Variants in GALNT5 observed in about 807,000 individuals in gnomAD.
The protein encoded by GALNT5 is UDP-GalNAc:polypeptide N-acetylgalactosaminyltransferase 5.
A neutral mutation model predicts 85.4 loss-of-function variants in GALNT5; 72 were observed. The ratio of observed to expected loss-of-function variants is 0.84; its 90% CI spans 0.70 to 1.03. GALNT5 has a LOEUF of 1.03. Ranked by LOEUF, GALNT5 falls within the 50% of genes least tolerant of loss-of-function variation. The probability of loss-of-function intolerance (pLI) is 0.00; values close to 1 mark genes in which losing one functional copy is unlikely to be tolerated. For synonymous variants in GALNT5, 404 were observed against 397.0 expected (o/e 1.02, Z -0.21); for missense variants, 1,137 against 1,135.5 (o/e 1.00, Z -0.02).
chr2:157,273,792 G>A (rs761315508), intron 1 of GALNT5, among the ~76,000 whole-genome samples: 1 of 151,202 alleles, frequency 6.6e-6, no homozygotes, highest in African/African-American at 2.4e-5. Context: ...ACAAGTACCC[G>A]CCACCATGCC....
intron 1 of GALNT5, among the ~76,000 whole-genome samples, chr2:157,265,923 G>A (rs1682449469): frequency 6.6e-6 from 1 of 152,212 alleles, no homozygotes; most frequent in Non-Finnish European, 1.5e-5. Context: ...TGTGTGAGAA[G>A]CAGCAATATG....
chr2:157,257,995 G>C lies in GALNT5; in HGVS notation c.-88G>C. 1 of 1,438,890 alleles carries C rather than the reference G, an allele frequency of 6.9e-7. No homozygotes were observed. Among genetic ancestry groups the C allele is most frequent in the Non-Finnish European group, 9.7e-7 (1 of 1,036,196 alleles). The allele number at this position is 1,438,890 out of a possible 1,614,324, so 89.1% of individuals were successfully genotyped here. On this transcript the variant is annotated 5_prime_UTR_variant, in exon 1 of 10. Transcript: ENST00000259056. The stretch of plus-strand genomic sequence containing the variant: ...GTCACTTTCTGGCAACTCTGCTGCT[G>C]CTGCTGCTGCTGCTGCTACTTCAGC...
chr2:157,317,926 A>G lies in GALNT5; in HGVS notation c.*6578A>G, dbSNP rs942567474. 6.6e-6 allele frequency among the ~76,000 whole-genome samples: 1 copy of G among 152,164 alleles called. No homozygotes were observed. Among genetic ancestry groups the G allele is most frequent in the Non-Finnish European group, 1.5e-5 (1 of 68,002 alleles). The stretch of plus-strand genomic sequence containing the variant: ...GTCTTTAAACAATACTGAGTTTTGA[A>G]GTTAAGTAGAATATTGTAGGGGTTA... On this transcript the variant is annotated 3_prime_UTR_variant, in exon 10 of 10. Transcript: ENST00000259056.
chr2:157,280,148 T>C (rs1216413261), intron 1 of GALNT5, among the ~76,000 whole-genome samples: 2 of 152,200 alleles, frequency 1.3e-5, no homozygotes, highest in Non-Finnish European at 2.9e-5. Flanking sequence ...AAAGACATGG[T>C]TCTCCAAAAA....
Position 157,317,195 on chromosome 2 carries a change from T to C in GALNT5, c.*5847T>C, listed in dbSNP as rs1462923047. 7.3e-6 allele frequency among the ~76,000 whole-genome samples: 1 copy of C among 136,222 alleles called. No individual in the cohort carries two copies. Among genetic ancestry groups the C allele is most frequent in the African/African-American group, 3.0e-5 (1 of 33,484 alleles). 89.4% of individuals were successfully genotyped at this position (136,222 alleles called of 152,430 possible). ...GTGTGTATATATATATATATATATA[T>C]ATATTTTTTTTTTTGATGCTTTGAT... On this transcript the variant is annotated 3_prime_UTR_variant, in exon 10 of 10. Transcript: ENST00000259056.
intron 3 of GALNT5, among the ~76,000 whole-genome samples, chr2:157,291,158 AAC>A (rs1683089010): frequency 6.6e-6 from 1 of 152,218 alleles, no homozygotes; most frequent in Non-Finnish European, 1.5e-5. Flanking sequence ...CCTAGTATGG[AAC>A]AGACCAAGTG....
rs1683758935 is a variant in GALNT5 at position 157,318,116 on chromosome 2, T to C, written c.*6768T>C. Among the ~76,000 whole-genome samples, 1 of 152,030 alleles carries C rather than the reference T, an allele frequency of 6.6e-6. No homozygotes were observed. The highest frequency in any genetic ancestry group is 1.5e-5 in the Non-Finnish European group (1 of 67,976). On this transcript the variant is annotated 3_prime_UTR_variant, in exon 10 of 10. Coordinates refer to ENST00000259056, the MANE Select transcript of GALNT5 (RefSeq NM_014568.3). ...CTCATACTGTCAAACATATTTCTTCTTTATTATACTCTGGTGCTTTATCCT... is the reference window on the plus strand; with the variant it reads ...CTCATACTGTCAAACATATTTCTTCCTTATTATACTCTGGTGCTTTATCCT...
At chr2:157,299,918 T>G (rs1227754523) in intron 6 of GALNT5, among the ~76,000 whole-genome samples, 2 of 152,220 alleles carry the variant, frequency 1.3e-5, no homozygotes. Context: ...GAAATGACTT[T>G]CTGCCACTCA....
intron 5 of GALNT5, among the ~76,000 whole-genome samples, chr2:157,297,026 A>G (rs1271831565): frequency 6.6e-6 from 1 of 152,220 alleles, no homozygotes; most frequent in African/African-American, 2.4e-5. Flanking sequence ...TATTTCCAAG[A>G]AACTGCATTG....
intron 3 of GALNT5, among the ~76,000 whole-genome samples, chr2:157,291,369 G>A (rs1314219670): frequency 2.0e-5 from 3 of 152,168 alleles, no homozygotes; most frequent in African/African-American, 4.8e-5. Context: ...CTCCTAAAAA[G>A]CAACAGTAGA....
At chr2:157,295,829 C>A in intron 4 of GALNT5, 31 bp downstream of exon 4, 1 of 1,539,146 alleles carries the variant, frequency 6.5e-7, no homozygotes, top group East Asian at 2.3e-5. Flanking sequence ...AAGATACTTT[C>A]AAGCACATCT....
In GALNT5 at chr2:157,280,684, TTTGTCCCC is replaced by T. The variant is rs535189046; in HGVS notation, c.1455-3595_1455-3588del. 4.0e-3 allele frequency among the ~76,000 whole-genome samples: 610 copies of T among 152,298 alleles called. 5 individuals are homozygous for T. Among genetic ancestry groups the T allele is most frequent in the African/African-American group, 0.014 (564 of 41,566 alleles). On this transcript the variant is annotated intron_variant, in intron 1 of 9. Coordinates refer to ENST00000259056, the MANE Select transcript of GALNT5 (RefSeq NM_014568.3). ...ATAGCCAAGTGATATGGTTTGGATG[TTTGTCCCC>T]TTCAAATCTCATGTTGAAATGTGAC... is the stretch of plus-strand genomic sequence containing the variant.
Position 157,308,744 on chromosome 2 carries a change from G to T in GALNT5, c.2682+16G>T. On this transcript the variant is annotated intron_variant, in intron 9 of 9. Coordinates refer to ENST00000259056, the MANE Select transcript of GALNT5 (RefSeq NM_014568.3). ...TCCAGAACTGGTAAGCAAAAGATTGGTACCTCTTCTTTACCACAAATTTGA... is the reference window on the plus strand; with the variant it reads ...TCCAGAACTGGTAAGCAAAAGATTGTTACCTCTTCTTTACCACAAATTTGA... 1 of 1,592,340 alleles carries T rather than the reference G, an allele frequency of 6.3e-7. No homozygotes were observed. Among genetic ancestry groups the T allele is most frequent in the South Asian group, 1.1e-5 (1 of 87,740 alleles).
At chr2:157,260,488 T>C (rs968800540) in intron 1 of GALNT5, among the ~76,000 whole-genome samples, 21 of 152,338 alleles carry the variant, frequency 1.4e-4, no homozygotes, top group African/African-American at 5.1e-4. Context: ...CCTGGCATTT[T>C]TTTTCTTGGC....
At chr2:157,304,419 T>C (rs1683410589) in intron 7 of GALNT5, among the ~76,000 whole-genome samples, 2 of 152,268 alleles carry the variant, frequency 1.3e-5, no homozygotes, top group African/African-American at 4.8e-5. Flanking sequence ...TTTGTTTCTA[T>C]GCCTTGAAAG....
intron 1 of GALNT5, among the ~76,000 whole-genome samples, chr2:157,279,577 C>T (rs1469834330): frequency 6.6e-6 from 1 of 152,214 alleles, no homozygotes; most frequent in Non-Finnish European, 1.5e-5. Context: ...TCTCAGACTG[C>T]TGTGCTAGCA....
chr2:157,307,021 T>G (rs1683468138), intron 8 of GALNT5, among the ~76,000 whole-genome samples: 1 of 152,196 alleles, frequency 6.6e-6, no homozygotes, highest in Non-Finnish European at 1.5e-5. Context: ...TTTTTTTTTT[T>G]TTAGGAATCA....
At chr2:157,259,990 T>C (rs1050907853) in intron 1 of GALNT5, among the ~76,000 whole-genome samples, 1 of 152,192 alleles carries the variant, frequency 6.6e-6, no homozygotes, top group African/African-American at 2.4e-5. Flanking sequence ...TGGAATCATA[T>C]CTTAACCAGC....
intron 8 of GALNT5, among the ~76,000 whole-genome samples, chr2:157,307,010 AT>A (rs11306025): frequency 0.87 from 129,886 of 149,464 alleles, 57,062 homozygotes; most frequent in East Asian, 0.98. Context: ...TAAATAATGC[AT>A]TTTTTTTTTT....
Sources: gnomAD v4.1 joint callset for allele counts (sites outside exome capture counted in the v4.1 genomes callset) on GRCh38, gnomAD v4.1.1 for gene constraint, MANE v1.5 for transcripts, NCBI Gene and HGNC (gene_info 2026-07-23, HGNC 2026-07-21) for gene names.